The following BMPER variants were observed in gnomAD, a reference collection of about 807,000 sequenced individuals.
The protein encoded by BMPER is BMP-binding endothelial regulator protein.
In BMPER, 45 loss-of-function variants were observed where a neutral mutation model predicts 87.3. That is an observed-to-expected ratio of 0.52 (90% CI 0.41 to 0.66). The LOEUF (loss-of-function observed/expected upper bound fraction) is 0.66. BMPER is among the 30% of genes least tolerant of loss of function. The pLI, the probability that BMPER is intolerant of heterozygous loss-of-function variation, is 0.00. For synonymous variants in BMPER, 326 were observed against 316.2 expected (o/e 1.03, Z -0.33); for missense variants, 784 against 867.5 (o/e 0.90, Z 1.21).
chr7:34,121,431 T>C (rs1790261124), intron 13 of BMPER, among the ~76,000 whole-genome samples: 1 of 152,250 alleles, frequency 6.6e-6, no homozygotes, highest in Non-Finnish European at 1.5e-5. Flanking sequence ...ATGTTTATAA[T>C]TTCAAAGTGA....
At chr7:34,024,379 A>C (rs1004126943) in intron 6 of BMPER, among the ~76,000 whole-genome samples, 3 of 76,650 alleles carry the variant, frequency 3.9e-5, no homozygotes, top group Non-Finnish European at 6.7e-5. Flanking sequence ...AAAAAAAAAA[A>C]AAACAATATA....
rs920479519 is a variant in BMPER, at chr7:33,993,995, T to G, written c.576+19211T>G. The stretch of plus-strand genomic sequence containing the variant: ...TGCCCGTTCTCAGATCTCCAGCTGC[T>G]TACTGGGAGAACCACTGCTCTCTTC... On this transcript the variant is annotated intron_variant, in intron 6 of 14. Coordinates refer to ENST00000649409, the MANE Select transcript of BMPER (RefSeq NM_001365308.1). Among the ~76,000 whole-genome samples, 32 of 152,298 alleles carry G rather than the reference T, an allele frequency of 2.1e-4. 1 individual carries two copies. In the South Asian group the frequency reaches 2.5e-3, roughly 12 times the overall value.
Position 34,021,849 on chromosome 7 carries a change from T to A in BMPER, c.577-24457T>A, listed in dbSNP as rs188113948. Among the ~76,000 whole-genome samples, 19 of 152,112 alleles carry A rather than the reference T, an allele frequency of 1.2e-4. No individual in the cohort carries two copies. The East Asian group carries it at 3.5e-3, about 28-fold the overall frequency. On this transcript the variant is annotated intron_variant, in intron 6 of 14. Coordinates refer to ENST00000649409, the MANE Select transcript of BMPER (RefSeq NM_001365308.1). Reference sequence around the variant, plus strand: ...ATCCATCCCTCCATCCATTGAATATTTATTGAGTGCAACATGATGCAAAAT... The same window carrying A: ...ATCCATCCCTCCATCCATTGAATATATATTGAGTGCAACATGATGCAAAAT...
At chr7:34,003,228 CAT>C (rs1478025179) in intron 6 of BMPER, among the ~76,000 whole-genome samples, 1 of 151,758 alleles carries the variant, frequency 6.6e-6, no homozygotes, top group African/African-American at 2.4e-5. Context: ...TACACACATA[CAT>C]ATATGTAAAC....
chr7:33,961,384 C>T (rs1006803005), intron 3 of BMPER, among the ~76,000 whole-genome samples: 2 of 152,162 alleles, frequency 1.3e-5, no homozygotes, highest in African/African-American at 2.4e-5. Flanking sequence ...TGGTCTGTAC[C>T]TCAGCCAGTC....
chr7:34,131,141 T>C lies in BMPER; in HGVS notation c.1746-12089T>C, dbSNP rs576728108. On this transcript the variant is annotated intron_variant, in intron 13 of 14. Coordinates refer to ENST00000649409, the MANE Select transcript of BMPER (RefSeq NM_001365308.1). The stretch of plus-strand genomic sequence containing the variant: ...CATGGAGGGGAAGGCCTGTGGTGTT[T>C]ATGATTTGGCTTTGGGGAATGTCTG... Among the ~76,000 whole-genome samples the C allele has an allele frequency of 1.0e-3, 152 of 152,184 alleles. 2 individuals carry two copies. The highest frequency in any genetic ancestry group is 3.4e-3 in the African/African-American group (143 of 41,524).
intron 12 of BMPER, among the ~76,000 whole-genome samples, chr7:34,082,765 G>T (rs1383821899): frequency 6.6e-6 from 1 of 152,156 alleles, no homozygotes; most frequent in Non-Finnish European, 1.5e-5. Flanking sequence ...GTATAGCATT[G>T]TCAGTAGTAA....
intron 6 of BMPER, among the ~76,000 whole-genome samples, chr7:33,989,015 T>C (rs563496579): frequency 2.1e-5 from 3 of 139,702 alleles, no homozygotes; most frequent in African/African-American, 8.2e-5. Context: ...CAGTCTATCA[T>C]TGTTGGACAT....
intron 7 of BMPER, among the ~76,000 whole-genome samples, chr7:34,051,182 G>C (rs1158799773): frequency 6.6e-6 from 1 of 152,120 alleles, no homozygotes; most frequent in Non-Finnish European, 1.5e-5. Context: ...AGTCATGAGA[G>C]CTTTGCTCTC....
intron 6 of BMPER, among the ~76,000 whole-genome samples, chr7:33,990,680 C>A (rs1269750796): frequency 6.8e-6 from 1 of 148,054 alleles, no homozygotes; most frequent in African/African-American, 2.5e-5. Context: ...GAGAGGGCAT[C>A]CCTGTCTTGT....
Position 33,910,032 on chromosome 7 carries a change from G to C in BMPER, c.219+3129G>C, listed in dbSNP as rs557400559. ...AAGAATAACTGGTTTGTTAGCTGGTGATGGAATCTCGTTTTAAAGTATGTG... is the reference window on the plus strand; with the variant it reads ...AAGAATAACTGGTTTGTTAGCTGGTCATGGAATCTCGTTTTAAAGTATGTG... On this transcript the variant is annotated intron_variant, in intron 2 of 14. Coordinates refer to ENST00000649409, the MANE Select transcript of BMPER (RefSeq NM_001365308.1). Among the ~76,000 whole-genome samples, 55 of 152,268 alleles carry C rather than the reference G, an allele frequency of 3.6e-4. 2 individuals carry two copies. The South Asian group carries it at 0.011, about 32-fold the overall frequency.
chr7:34,129,102 G>C lies in BMPER; in HGVS notation c.1746-14128G>C, dbSNP rs538452083. Among the ~76,000 whole-genome samples, 11 of 152,166 alleles carry C rather than the reference G, an allele frequency of 7.2e-5. 1 individual carries two copies. In the Middle Eastern group the frequency reaches 0.017, roughly 235 times the overall value. ...ATTTAGGAAGAAAACATCTATAAAG[G>C]TTACCCCTTCCTCCGCCAAAAAATG... On this transcript the variant is annotated intron_variant, in intron 13 of 14. Transcript: ENST00000649409.
At chr7:33,917,287 T>G (rs563193546) in intron 2 of BMPER, among the ~76,000 whole-genome samples, 1 of 152,276 alleles carries the variant, frequency 6.6e-6, no homozygotes, top group Non-Finnish European at 1.5e-5. Flanking sequence ...TTATATTAGG[T>G]TTTGGATGTT....
chr7:33,922,613 A>C (rs1369973773), intron 2 of BMPER, among the ~76,000 whole-genome samples: 1 of 152,176 alleles, frequency 6.6e-6, no homozygotes, highest in Non-Finnish European at 1.5e-5. Flanking sequence ...CCCAACCAGA[A>C]AGAGAAACTA....
chr7:34,127,359 A>G (rs942955949), intron 13 of BMPER, among the ~76,000 whole-genome samples: 19 of 152,046 alleles, frequency 1.2e-4, no homozygotes, highest in Non-Finnish European at 2.2e-4. Flanking sequence ...TTGTCCCCCT[A>G]CCGCCAATTG....
At chr7:33,974,812 G>T (rs762827500) in intron 6 of BMPER, 28 bp downstream of exon 6, 1 of 1,606,574 alleles carries the variant, frequency 6.2e-7, no homozygotes, top group Admixed American at 1.7e-5. Context: ...TGTTCCCAGG[G>T]TGTCCTTTGG....
chr7:33,967,339 A>G (rs777571651), intron 4 of BMPER, among the ~76,000 whole-genome samples: 26 of 152,370 alleles, frequency 1.7e-4, no homozygotes, highest in African/African-American at 6.0e-4. Context: ...TTGTCCAAGG[A>G]TATGCTTTTG....
chr7:34,110,524 A>G (rs1020398477), intron 13 of BMPER, among the ~76,000 whole-genome samples: 5 of 152,188 alleles, frequency 3.3e-5, no homozygotes, highest in Admixed American at 2.6e-4. Context: ...CTGGAATCAC[A>G]GAAGTAGTGT....
chr7:33,922,303 A>G (rs1386899135), intron 2 of BMPER, among the ~76,000 whole-genome samples: 2 of 152,134 alleles, frequency 1.3e-5, no homozygotes, highest in Non-Finnish European at 2.9e-5. Flanking sequence ...TAGTGCAGAA[A>G]TTCCATGATG....
Sources: allele counts gnomAD v4.1 joint callset (sites outside exome capture counted in the v4.1 genomes callset), GRCh38; gene constraint gnomAD v4.1.1; transcripts MANE v1.5; gene names NCBI Gene and HGNC (gene_info 2026-07-23, HGNC 2026-07-21).